CDKAL1: variants seen among roughly 807,000 people sequenced by gnomAD.
CDKAL1 encodes CDKAL1 threonylcarbamoyladenosine tRNA methylthiotransferase.
A neutral mutation model predicts 68.2 loss-of-function variants in CDKAL1; 32 were observed. The observed-to-expected ratio is 0.47, with a 90% CI of 0.35 to 0.63. CDKAL1 has a LOEUF of 0.63. Among genes scored for constraint, CDKAL1 ranks in the 30% least tolerant of loss-of-function variants. The pLI, the probability that CDKAL1 is intolerant of heterozygous loss-of-function variation, is 0.00. For missense variants in CDKAL1, 606 were observed against 696.7 expected, an observed-to-expected ratio of 0.87 and a Z score of 1.47; for synonymous variants, 234 against 244.3, an observed-to-expected ratio of 0.96 and a Z score of 0.39.
At chr6:21,110,188 T>C (rs1774051609) in intron 13 of CDKAL1, among the ~76,000 whole-genome samples, 1 of 152,190 alleles carries the variant, frequency 6.6e-6, no homozygotes, top group Non-Finnish European at 1.5e-5. Context: ...TTTGGTCTGT[T>C]GCCATTCTGT....
At chr6:20,935,539 G>T (rs1244975483) in intron 9 of CDKAL1, among the ~76,000 whole-genome samples, 1 of 150,846 alleles carries the variant, frequency 6.6e-6, no homozygotes, top group East Asian at 2.0e-4. Context: ...AGAGATTCTT[G>T]CGCCTCAAGC....
chr6:20,851,834 A>G (rs1037183239), intron 9 of CDKAL1, among the ~76,000 whole-genome samples: 1 of 151,932 alleles, frequency 6.6e-6, no homozygotes, highest in African/African-American at 2.4e-5. Context: ...ATAGGAAACA[A>G]TATGAGCAAT....
At chr6:21,141,424 T>C (rs1286674525) in intron 13 of CDKAL1, among the ~76,000 whole-genome samples, 1 of 152,178 alleles carries the variant, frequency 6.6e-6, no homozygotes, top group Non-Finnish European at 1.5e-5. Context: ...TTTGTCCCAG[T>C]GAATTATGGT....
chr6:20,885,878 T>G (rs1356027333), intron 9 of CDKAL1, among the ~76,000 whole-genome samples: 1 of 152,094 alleles, frequency 6.6e-6, no homozygotes, highest in Admixed American at 6.6e-5. Flanking sequence ...AGGTCAGAAG[T>G]TGGAGACCAG....
chr6:21,068,609 A>G (rs1771587020), intron 12 of CDKAL1, among the ~76,000 whole-genome samples: 1 of 152,122 alleles, frequency 6.6e-6, no homozygotes, highest in Admixed American at 6.5e-5. Context: ...CTTTCCACCC[A>G]TACACAGGTT....
chr6:21,218,784 T>A (rs1344990666), intron 15 of CDKAL1, among the ~76,000 whole-genome samples: 1 of 152,146 alleles, frequency 6.6e-6, no homozygotes, highest in East Asian at 1.9e-4. Flanking sequence ...GGAAGTGGCA[T>A]CCATCATTTA....
chr6:20,858,119 A>G (rs1264296080), intron 9 of CDKAL1, among the ~76,000 whole-genome samples: 1 of 152,140 alleles, frequency 6.6e-6, no homozygotes, highest in East Asian at 1.9e-4. Flanking sequence ...TCGGCCTCCC[A>G]AAGTGCTGGG....
chr6:20,620,819 C>T (rs1581838576), intron 4 of CDKAL1, among the ~76,000 whole-genome samples: 1 of 151,880 alleles, frequency 6.6e-6, no homozygotes, highest in Non-Finnish European at 1.5e-5. Context: ...CCTATAGGTG[C>T]CTCTCTTTCC....
At chr6:20,642,877 C>T (rs1436681246) in intron 4 of CDKAL1, among the ~76,000 whole-genome samples, 1 of 151,418 alleles carries the variant, frequency 6.6e-6, no homozygotes, top group Non-Finnish European at 1.5e-5. Flanking sequence ...CCAGCCTGGG[C>T]GACACAGTGA....
intron 13 of CDKAL1, among the ~76,000 whole-genome samples, chr6:21,191,378 T>C (rs967527478): frequency 6.6e-6 from 1 of 152,220 alleles, no homozygotes; most frequent in Non-Finnish European, 1.5e-5. Flanking sequence ...AATTTAAGCA[T>C]AGATGTGACA....
intron 13 of CDKAL1, among the ~76,000 whole-genome samples, chr6:21,129,711 A>AAATGGAGT: frequency 6.6e-6 from 1 of 151,374 alleles, no homozygotes; most frequent in Non-Finnish European, 1.5e-5. Context: ...AAAAAGGAAA[A>AAATGGAGT]AATGGAGTAA....
At position 20,738,069 on chromosome 6, in the gene CDKAL1, G is replaced by A. The variant is rs79472540; in HGVS notation, c.372-1450G>A. Among the ~76,000 whole-genome samples the A allele has an allele frequency of 5.0e-3, 764 of 152,292 alleles. 5 individuals carry two copies. Among genetic ancestry groups the A allele is most frequent in the African/African-American group, 0.017 (703 of 41,566 alleles). On this transcript the variant is annotated intron_variant, in intron 5 of 15. Transcript: ENST00000274695. The stretch of plus-strand genomic sequence containing the variant: ...AGTACAGTTTAATGTCACACCGACA[G>A]AAACTCAGCTGCTAATACCCTTACC...
At chr6:20,579,105 G>A (rs780120428) in intron 4 of CDKAL1, among the ~76,000 whole-genome samples, 2 of 152,114 alleles carry the variant, frequency 1.3e-5, no homozygotes, top group Non-Finnish European at 2.9e-5. Flanking sequence ...AGCCTTCCGA[G>A]TAGCTGGCAT....
chr6:21,099,253 G>C (rs1773465372), intron 12 of CDKAL1, among the ~76,000 whole-genome samples: 2 of 152,242 alleles, frequency 1.3e-5, no homozygotes, highest in South Asian at 4.1e-4. Context: ...AATATTTTCA[G>C]CTTTATAGGC....
Position 20,913,879 on chromosome 6 carries a change from A to G in CDKAL1, c.743-41540A>G, listed in dbSNP as rs191765623. Among the ~76,000 whole-genome samples the G allele has an allele frequency of 1.4e-4, 21 of 152,290 alleles. No homozygotes were observed. The East Asian group carries it at 3.3e-3, about 24-fold the overall frequency. On this transcript the variant is annotated intron_variant, in intron 9 of 15. Transcript: ENST00000274695. ...GGTGGCACACCACATAGTCCCAACT[A>G]CTCAGGAGGCTGAGGCAGGAAGGAT...
chr6:21,022,745 A>G (rs184144608), intron 11 of CDKAL1, among the ~76,000 whole-genome samples: 1 of 152,244 alleles, frequency 6.6e-6, no homozygotes, highest in Admixed American at 6.5e-5. Flanking sequence ...CATGCGCATC[A>G]GTGGGTTTCT....
chr6:21,095,300 T>A (rs1351897769), intron 12 of CDKAL1, among the ~76,000 whole-genome samples: 1 of 152,290 alleles, frequency 6.6e-6, no homozygotes, highest in East Asian at 1.9e-4. Context: ...CTATAAGTGG[T>A]GGACCTGAGG....
intron 15 of CDKAL1, among the ~76,000 whole-genome samples, chr6:21,202,608 AG>A (rs886987550): frequency 6.6e-6 from 1 of 152,178 alleles, no homozygotes; most frequent in African/African-American, 2.4e-5. Context: ...CACAGTGAAA[AG>A]GGTTTCTCAG....
chr6:21,077,302 A>G (rs927983079), intron 12 of CDKAL1, among the ~76,000 whole-genome samples: 4 of 152,164 alleles, frequency 2.6e-5, no homozygotes, highest in African/African-American at 9.7e-5. Flanking sequence ...ATACTATTAA[A>G]TTCATTGTTA....
Sources: gnomAD v4.1 joint callset for allele counts (sites outside exome capture counted in the v4.1 genomes callset) on GRCh38, gnomAD v4.1.1 for gene constraint, MANE v1.5 for transcripts, NCBI Gene and HGNC (gene_info 2026-07-23, HGNC 2026-07-21) for gene names.